SCML2: variants seen among roughly 807,000 people sequenced by gnomAD.
SCML2 encodes the protein Scm polycomb group protein like 2, also known as sex comb on midleg-like protein 2.
Under a neutral mutation model 48.4 loss-of-function variants are expected in SCML2, and 6 were observed. The ratio of observed to expected loss-of-function variants is 0.12; its 90% CI spans 0.07 to 0.24. SCML2 has a LOEUF of 0.24. Ranked by LOEUF, SCML2 falls within the 10% of genes least tolerant of loss-of-function variation. The probability of loss-of-function intolerance (pLI) is 1.00; values close to 1 mark genes in which losing one functional copy is unlikely to be tolerated. For synonymous variants in SCML2, 181 were observed against 189.5 expected (o/e 0.95, Z 0.37); for missense variants, 377 against 528.2 (o/e 0.71, Z 2.81).
intron 3 of SCML2, among the ~76,000 whole-genome samples, chrX:18,329,168 T>A (rs193065488): frequency 1.8e-5 from 2 of 112,211 alleles, no homozygotes; most frequent in Admixed American, 1.9e-4. Context: ...GATATTTGAA[T>A]TATAACTCAG....
At chrX:18,241,715 T>C (rs770560242) in intron 14 of SCML2, among the ~76,000 whole-genome samples, 1 of 112,163 alleles carries the variant, frequency 8.9e-6, no homozygotes, top group South Asian at 3.7e-4. Context: ...GAATTTCAGA[T>C]GATCAATAAC....
intron 7 of SCML2, among the ~76,000 whole-genome samples, chrX:18,274,542 C>T (rs184556266): frequency 8.9e-6 from 1 of 112,130 alleles, no homozygotes. Context: ...TGTCACTTTT[C>T]CACTTGAAAC....
intron 7 of SCML2, among the ~76,000 whole-genome samples, chrX:18,269,164 CCT>C (rs1383172619): frequency 8.9e-6 from 1 of 111,985 alleles, no homozygotes; most frequent in East Asian, 2.8e-4. Context: ...CATTAAGTGA[CCT>C]CTTTTTAGTT....
At chrX:18,271,242 T>C (rs752837642) in intron 7 of SCML2, among the ~76,000 whole-genome samples, 1 of 111,176 alleles carries the variant, frequency 9.0e-6, no homozygotes, top group East Asian at 2.8e-4. Flanking sequence ...GAGGTAGATA[T>C]TGTTTCCTCA....
At chrX:18,270,776 G>T (rs771676048) in intron 7 of SCML2, among the ~76,000 whole-genome samples, 1 of 110,774 alleles carries the variant, frequency 9.0e-6, no homozygotes, top group Non-Finnish European at 1.9e-5. Context: ...TTTAAATAAG[G>T]TTAAAACTAT....
At chrX:18,284,409 G>A (rs991976872) in intron 7 of SCML2, among the ~76,000 whole-genome samples, 4 of 111,644 alleles carry the variant, frequency 3.6e-5, no homozygotes, top group Admixed American at 9.5e-5. Flanking sequence ...TTGACAAGTG[G>A]GAGCTAATTA....
chrX:18,285,731 A>T (rs1456728159), intron 7 of SCML2, among the ~76,000 whole-genome samples: 1 of 111,817 alleles, frequency 8.9e-6, no homozygotes, highest in Non-Finnish European at 1.9e-5. Context: ...TTCCTCAAAA[A>T]AATTGAGTTT....
intron 13 of SCML2, 48 bp from the exon 14 acceptor site, chrX:18,242,638 T>C: frequency 8.7e-7 from 1 of 1,146,981 alleles, no homozygotes; most frequent in Non-Finnish European, 1.2e-6. Flanking sequence ...CTGATCATTA[T>C]CCTGAAAGAA....
intron 6 of SCML2, among the ~76,000 whole-genome samples, chrX:18,317,260 G>A (rs896716910): frequency 1.8e-5 from 2 of 111,085 alleles, no homozygotes; most frequent in South Asian, 3.8e-4. Flanking sequence ...AACCGTTCAC[G>A]TTTATACACA....
At chrX:18,323,711 C>A in intron 5 of SCML2, 148 bp downstream of exon 5, 1 of 469,974 alleles carries the variant, frequency 2.1e-6, no homozygotes, top group East Asian at 3.7e-5. Flanking sequence ...TGCTGATTTC[C>A]TCTCTCATCA....
intron 11 of SCML2, among the ~76,000 whole-genome samples, chrX:18,250,583 C>T (rs914718237): frequency 1.8e-5 from 2 of 109,758 alleles, no homozygotes; most frequent in Non-Finnish European, 3.8e-5. Context: ...CGGGGTTTCA[C>T]TGTGTTAGCC....
chrX:18,262,492 G>A lies in SCML2; in HGVS notation c.949-2201C>T, dbSNP rs772540245. Among the ~76,000 whole-genome samples, 7 of 105,538 alleles carry A rather than the reference G, an allele frequency of 6.6e-5. No individual in the cohort carries two copies. In the South Asian group the frequency reaches 2.5e-3, roughly 38 times the overall value. 91.6% of individuals were successfully genotyped at this position (105,538 alleles called of 115,157 possible). On this transcript the variant is annotated intron_variant, in intron 8 of 14. Coordinates refer to ENST00000251900, the MANE Select transcript of SCML2 (RefSeq NM_006089.3). The stretch of plus-strand genomic sequence containing the variant: ...AGTAGCTGGGATTACAGGCACCTGT[G>A]AGCATGCCTGACTAATTTTTGTATT...
At chrX:18,249,960 G>A (rs188467239) in intron 11 of SCML2, among the ~76,000 whole-genome samples, 19 of 111,184 alleles carry the variant, frequency 1.7e-4, no homozygotes, top group Admixed American at 1.2e-3. Context: ...AGACTTCAGT[G>A]GCCACTCTTA....
intron 11 of SCML2, among the ~76,000 whole-genome samples, chrX:18,253,797 T>C (rs5909434): frequency 0.23 from 25,626 of 111,172 alleles, 2,296 homozygotes; most frequent in Middle Eastern, 0.34. Context: ...TGGTAGCATA[T>C]TTATACAACA....
chrX:18,310,841 T>C (rs1469592259), intron 6 of SCML2, among the ~76,000 whole-genome samples: 1 of 111,062 alleles, frequency 9.0e-6, no homozygotes, highest in Non-Finnish European at 1.9e-5. Context: ...AGTCTCAGCA[T>C]TCTCTGCATT....
chrX:18,277,120 G>C (rs1211830534), intron 7 of SCML2, among the ~76,000 whole-genome samples: 1 of 111,625 alleles, frequency 9.0e-6, no homozygotes. Flanking sequence ...ACCCAGGCTG[G>C]AGTGCAGTGG....
intron 11 of SCML2, among the ~76,000 whole-genome samples, chrX:18,251,309 C>CAAAAAA (rs750658948): frequency 4.4e-4 from 3 of 6,772 alleles, no homozygotes; most frequent in African/African-American, 2.3e-3. Context: ...GATTCCATTG[C>CAAAAAA]AAAAAAAAAA....
At chrX:18,317,726 C>T (rs963313128) in intron 6 of SCML2, among the ~76,000 whole-genome samples, 2 of 103,765 alleles carry the variant, frequency 1.9e-5, no homozygotes, top group East Asian at 3.2e-4. Flanking sequence ...CCCAGCTACT[C>T]GGGAGGCTGA....
At chrX:18,254,650 A>C (rs1469006448) in intron 11 of SCML2, among the ~76,000 whole-genome samples, 1 of 112,017 alleles carries the variant, frequency 8.9e-6, no homozygotes, top group South Asian at 3.7e-4. Flanking sequence ...TGGGCCTGGC[A>C]TGGTGGCTCA....
Sources: gnomAD v4.1 joint callset for allele counts (sites outside exome capture counted in the v4.1 genomes callset) on GRCh38, gnomAD v4.1.1 for gene constraint, MANE v1.5 for transcripts, NCBI Gene and HGNC (gene_info 2026-07-23, HGNC 2026-07-21) for gene names.